ANK3: variants seen among roughly 807,000 people sequenced by gnomAD.
ANK3 encodes ankyrin 3, also known as ankyrin-3.
ANK3 carries 57 observed loss-of-function variants against 370.9 expected under a neutral mutation model. The ratio of observed to expected loss-of-function variants is 0.15; its 90% CI spans 0.12 to 0.19. The LOEUF is 0.19. Ranked by LOEUF, ANK3 falls within the 10% of genes least tolerant of loss-of-function variation. The pLI is 1.00. For synonymous variants in ANK3, 1,929 were observed against 1,946.3 expected (o/e 0.99, Z 0.23); for missense variants, 4,439 against 5,302.1 (o/e 0.84, Z 5.06).
chr10:60,296,887 G>T (rs1176332350), intron 1 of ANK3, among the ~76,000 whole-genome samples: 1 of 152,188 alleles, frequency 6.6e-6, no homozygotes, highest in Non-Finnish European at 1.5e-5. Flanking sequence ...GGCTGAGGTG[G>T]GAGGATCGCT....
intron 1 of ANK3, among the ~76,000 whole-genome samples, chr10:60,721,076 A>G (rs2079856713): frequency 6.6e-6 from 1 of 152,226 alleles, no homozygotes; most frequent in Non-Finnish European, 1.5e-5. Context: ...TAGTAAAAAT[A>G]CCCTCTAGAA....
chr10:60,281,723 T>C (rs2098166372), intron 1 of ANK3, among the ~76,000 whole-genome samples: 1 of 151,960 alleles, frequency 6.6e-6, no homozygotes, highest in Non-Finnish European at 1.5e-5. Flanking sequence ...GGAGGCTTTA[T>C]TAGCAGCAGC....
rs2083543282 is a variant in ANK3 at position 60,075,341 on chromosome 10, T to A, written c.5540A>T (p.Lys1847Ile). 1 of 1,614,010 alleles carries A rather than the reference T, an allele frequency of 6.2e-7. No homozygotes were observed. The highest frequency in any genetic ancestry group is 1.3e-5 in the African/African-American group (1 of 74,918). ...GGGTGACAGCAAGGCTGCTGCTGATTTTGTAAATGAATTAGAGTCTGGAAG... is the reference window on the plus strand; with the variant it reads ...GGGTGACAGCAAGGCTGCTGCTGATATTGTAAATGAATTAGAGTCTGGAAG... ...KKLPDSNSFT[K>I]SAAALLSPIK... is the part of the protein sequence containing the mutation. Residue 1847 changes from lysine to isoleucine, a missense_variant, in exon 37 of 44, where the codon AAA (lysine) becomes ATA (isoleucine). Coordinates refer to ENST00000280772, the MANE Select transcript of ANK3 (RefSeq NM_020987.5).
intron 1 of ANK3, among the ~76,000 whole-genome samples, chr10:60,632,858 G>T (rs1199170938): frequency 1.3e-5 from 2 of 151,438 alleles, no homozygotes; most frequent in East Asian, 3.9e-4. Flanking sequence ...CTCCAGCCTG[G>T]GTGACACAGC....
At chr10:60,508,359 G>C (rs1478270738) in intron 2 of ANK3, 1 of 152,618 alleles carries the variant, frequency 6.6e-6, no homozygotes, top group African/African-American at 2.4e-5. Flanking sequence ...TTGCAGGGTA[G>C]AGATGCTTAC....
chr10:60,517,467 C>T (rs962000039), intron 2 of ANK3, among the ~76,000 whole-genome samples: 6 of 152,158 alleles, frequency 3.9e-5, no homozygotes, highest in African/African-American at 7.2e-5. Context: ...TCATCTGAAA[C>T]GAGGTTACCC....
intron 2 of ANK3, among the ~76,000 whole-genome samples, chr10:60,603,014 T>C (rs12782869): frequency 0.15 from 22,841 of 152,124 alleles, 2,178 homozygotes; most frequent in South Asian, 0.27. Context: ...GAGAGTTTAG[T>C]ACATGATGCA....
intron 2 of ANK3, among the ~76,000 whole-genome samples, chr10:60,399,912 A>G (rs184720174): frequency 9.9e-5 from 15 of 152,268 alleles, no homozygotes; most frequent in Admixed American, 9.8e-4. Flanking sequence ...ATCCCTGGGC[A>G]TTACCGAGTG....
chr10:60,642,645 C>T (rs1588960837), intron 1 of ANK3, among the ~76,000 whole-genome samples: 3 of 131,950 alleles, frequency 2.3e-5, no homozygotes, highest in South Asian at 2.8e-4. Context: ...GGTGGGGGGG[C>T]GAGGGATAGC....
At chr10:60,237,353 C>A (rs1476149575) in intron 7 of ANK3, among the ~76,000 whole-genome samples, 1 of 152,124 alleles carries the variant, frequency 6.6e-6, no homozygotes, top group African/African-American at 2.4e-5. Context: ...GCTCACTGAG[C>A]CCCAAGTGGG....
chr10:60,590,161 C>T (rs2077889809), intron 2 of ANK3, among the ~76,000 whole-genome samples: 1 of 152,174 alleles, frequency 6.6e-6, no homozygotes, highest in African/African-American at 2.4e-5. Flanking sequence ...AATCCAGTAA[C>T]ATAATTTAGC....
At chr10:60,245,067 G>C (rs1275163573) in intron 7 of ANK3, among the ~76,000 whole-genome samples, 1 of 152,176 alleles carries the variant, frequency 6.6e-6, no homozygotes, top group Admixed American at 6.5e-5. Context: ...TACTTGGGAG[G>C]TTGAGGCAGG....
At chr10:60,575,325 C>G (rs1243203945) in intron 2 of ANK3, among the ~76,000 whole-genome samples, 2 of 148,138 alleles carry the variant, frequency 1.4e-5, no homozygotes, top group Non-Finnish European at 3.0e-5. Flanking sequence ...GAAGTGCTCT[C>G]TGCTGGTTGG....
intron 2 of ANK3, among the ~76,000 whole-genome samples, chr10:60,445,114 A>G (rs1228620413): frequency 1.3e-5 from 2 of 152,212 alleles, no homozygotes; most frequent in African/African-American, 2.4e-5. Flanking sequence ...TATTGAAACT[A>G]TGTTTTAAAA....
intron 23 of ANK3, among the ~76,000 whole-genome samples, chr10:60,155,995 CTT>C (rs2095317062): frequency 6.6e-6 from 1 of 152,186 alleles, no homozygotes; most frequent in Non-Finnish European, 1.5e-5. Context: ...GCCTGTGAGA[CTT>C]TACCTTGTGA....
chr10:60,498,274 G>C (rs2075710980), intron 2 of ANK3, among the ~76,000 whole-genome samples: 1 of 152,138 alleles, frequency 6.6e-6, no homozygotes, highest in African/African-American at 2.4e-5. Context: ...AATTTACAGA[G>C]CACAGTTTGT....
intron 1 of ANK3, among the ~76,000 whole-genome samples, chr10:60,296,955 G>T (rs2042655376): frequency 6.6e-6 from 1 of 152,162 alleles, no homozygotes; most frequent in Non-Finnish European, 1.5e-5. Flanking sequence ...ACTCCAGCCT[G>T]GGCAACGGAG....
intron 1 of ANK3, among the ~76,000 whole-genome samples, chr10:60,662,129 T>C (rs1054509582): frequency 2.0e-5 from 3 of 152,196 alleles, no homozygotes; most frequent in Non-Finnish European, 2.9e-5. Context: ...TTTTTATCTA[T>C]GACTACTATT....
chr10:60,653,371 A>G (rs1372750808), intron 1 of ANK3, among the ~76,000 whole-genome samples: 2 of 151,780 alleles, frequency 1.3e-5, no homozygotes, highest in African/African-American at 4.9e-5. Flanking sequence ...TTTTTCCCAT[A>G]CAGATTTCCC....
Sources: gnomAD v4.1 joint callset for allele counts (sites outside exome capture counted in the v4.1 genomes callset) on GRCh38, gnomAD v4.1.1 for gene constraint, MANE v1.5 for transcripts, NCBI Gene and HGNC (gene_info 2026-07-23, HGNC 2026-07-21) for gene names.